The following BCL2L11 variants were observed in gnomAD, a reference collection of about 807,000 sequenced individuals.
BCL2L11 encodes the protein BCL2 like 11, also known as bcl-2-like protein 11.
BCL2L11 carries 15 observed loss-of-function variants against 20.6 expected under a neutral mutation model. The observed-to-expected ratio is 0.73, with a 90% CI of 0.49 to 1.12. The LOEUF (loss-of-function observed/expected upper bound fraction) is 1.12, where lower values mean the gene tolerates loss of function less well. Ranked by LOEUF, BCL2L11 falls within the 50% of genes most tolerant of loss-of-function variation. The probability of loss-of-function intolerance (pLI) is 0.00; values close to 1 mark genes in which losing one functional copy is unlikely to be tolerated. For synonymous variants in BCL2L11, 108 were observed against 92.8 expected, an observed-to-expected ratio of 1.16 and a Z score of -0.94; for missense variants, 292 against 260.9, an observed-to-expected ratio of 1.12 and a Z score of -0.82.
chr2:111,145,892 CATTATAA>C, intron 2 of BCL2L11: 1 of 876,422 alleles, frequency 1.1e-6, no homozygotes. Context: ...TGACATATTG[CATTATAA>C]AAGTTTTGAT....
intron 3 of BCL2L11, 36 bp from the exon 4 acceptor site, chr2:111,164,094 TTAG>T: frequency 1.8e-6 from 1 of 566,000 alleles, no homozygotes; most frequent in Non-Finnish European, 3.5e-6. Context: ...CACCCCCAAA[TTAG>T]GGAGAAACTA....
Position 111,121,011 on chromosome 2 carries a change from C to T in BCL2L11, c.-191C>T. On this transcript the variant is annotated 5_prime_UTR_variant, in exon 1 of 4. Coordinates refer to ENST00000393256, the MANE Select transcript of BCL2L11 (RefSeq NM_138621.5). ...GCCGCCGCCGCCGCCGCCGCCGCCGCCGCCGCCGCCACTACCACCACTTGA... is the reference window on the plus strand; with the variant it reads ...GCCGCCGCCGCCGCCGCCGCCGCCGTCGCCGCCGCCACTACCACCACTTGA... 1 of 405,078 alleles carries T rather than the reference C, an allele frequency of 2.5e-6. No individual in the cohort carries two copies. Among genetic ancestry groups the T allele is most frequent in the South Asian group, 3.8e-5 (1 of 26,374 alleles). 25.1% of individuals were successfully genotyped at this position (405,078 alleles called of 1,614,324 possible). A position where few individuals can be genotyped will look rare whatever the true frequency, so the allele number is the denominator to read the frequency against.
At chr2:111,153,983 C>A in intron 3 of BCL2L11, 1 of 1,375,120 alleles carries the variant, frequency 7.3e-7, no homozygotes, top group Non-Finnish European at 9.4e-7. Flanking sequence ...CCGGGCTGAA[C>A]GGCCTGGCCC....
chr2:111,124,712 T>G (rs1445114736), intron 2 of BCL2L11, among the ~76,000 whole-genome samples: 5 of 152,220 alleles, frequency 3.3e-5, no homozygotes, highest in Non-Finnish European at 7.3e-5. Flanking sequence ...CTTTACATAG[T>G]AATGACATTT....
intron 2 of BCL2L11, among the ~76,000 whole-genome samples, chr2:111,134,590 G>T (rs1349995291): frequency 6.6e-6 from 1 of 152,188 alleles, no homozygotes; most frequent in Non-Finnish European, 1.5e-5. Context: ...TCTACCAATA[G>T]TCGCTTCCAT....
chr2:111,147,327 A>ATC (rs367737247), intron 2 of BCL2L11, among the ~76,000 whole-genome samples: 6,124 of 125,620 alleles, frequency 0.049, 250 homozygotes, highest in African/African-American at 0.11. Flanking sequence ...AGCCTCCTGT[A>ATC]TCTCTCTCTC....
At chr2:111,161,367 T>A in intron 3 of BCL2L11, 1 of 1,543,396 alleles carries the variant, frequency 6.5e-7, no homozygotes, top group East Asian at 2.4e-5. Context: ...CTGTCTTTTT[T>A]ATATTACCCA....
At chr2:111,153,827 A>T (rs2077513065) in intron 3 of BCL2L11, 1 of 1,551,932 alleles carries the variant, frequency 6.4e-7, no homozygotes, top group Non-Finnish European at 8.7e-7. Flanking sequence ...TATTCAGTCC[A>T]CTTAAGGGCA....
intron 3 of BCL2L11, among the ~76,000 whole-genome samples, chr2:111,155,752 G>C (rs1210458651): frequency 6.6e-6 from 1 of 152,178 alleles, no homozygotes; most frequent in Non-Finnish European, 1.5e-5. Context: ...CTGCTCTCCA[G>C]ATGAGGCCAG....
At chr2:111,139,259 A>G (rs2075412955) in intron 2 of BCL2L11, among the ~76,000 whole-genome samples, 1 of 152,184 alleles carries the variant, frequency 6.6e-6, no homozygotes. Flanking sequence ...ATGGAGAGAC[A>G]TCTGGAAACC....
intron 1 of BCL2L11, chr2:111,122,717 C>T (rs1274289931): frequency 1.0e-6 from 1 of 982,718 alleles, no homozygotes; most frequent in South Asian, 4.6e-5. Flanking sequence ...GAGCCCTCGG[C>T]TGCCCGGCGG....
rs1483249421 is a variant in BCL2L11, at chr2:111,164,118, C to G, written c.499-15C>G. On this transcript the variant is annotated splice_polypyrimidine_tract_variant and intron_variant, in intron 3 of 3. Transcript: ENST00000393256. ...ATTAGGGAGAAACTAAGAAGCTTTCCTTTTGTTGTTTCAGGTATTTTTGAA... is the reference window on the plus strand; with the variant it reads ...ATTAGGGAGAAACTAAGAAGCTTTCGTTTTGTTGTTTCAGGTATTTTTGAA... 7.6e-7 allele frequency: 1 copy of G among 1,320,772 alleles called. No homozygotes were observed. The highest frequency in any genetic ancestry group is 2.9e-5 in the East Asian group (1 of 34,934). 81.8% of individuals were successfully genotyped at this position (1,320,772 alleles called of 1,614,324 possible).
At chr2:111,127,781 G>C (rs2072998923) in intron 2 of BCL2L11, among the ~76,000 whole-genome samples, 1 of 152,112 alleles carries the variant, frequency 6.6e-6, no homozygotes, top group South Asian at 2.1e-4. Context: ...TTAAGCACTT[G>C]ACATAGGACT....
chr2:111,151,425 T>C (rs2077243373), intron 3 of BCL2L11, among the ~76,000 whole-genome samples: 2 of 152,262 alleles, frequency 1.3e-5, no homozygotes, highest in African/African-American at 4.8e-5. Context: ...TAGTTGTTAA[T>C]ATCATTTATT....
intron 2 of BCL2L11, among the ~76,000 whole-genome samples, chr2:111,127,769 C>G (rs1160808054): frequency 1.3e-5 from 2 of 152,112 alleles, no homozygotes; most frequent in Admixed American, 6.5e-5. Flanking sequence ...GCCACACATG[C>G]ATTAAGCACT....
chr2:111,153,692 A>G, intron 3 of BCL2L11: 2 of 1,471,006 alleles, frequency 1.4e-6, no homozygotes, highest in Non-Finnish European at 1.9e-6. Flanking sequence ...TATTTGCTTA[A>G]TGCTATTACA....
chr2:111,150,964 G>A (rs2077185540), intron 3 of BCL2L11, among the ~76,000 whole-genome samples: 1 of 152,102 alleles, frequency 6.6e-6, no homozygotes, highest in South Asian at 2.1e-4. Context: ...AAGTGCAGTG[G>A]CGCAATCCCA....
chr2:111,128,441 T>A (rs943054135), intron 2 of BCL2L11, among the ~76,000 whole-genome samples: 17 of 151,492 alleles, frequency 1.1e-4, no homozygotes, highest in Non-Finnish European at 2.2e-4. Context: ...CTGCTTTGAA[T>A]TTTTTTGGAT....
Position 111,121,013 on chromosome 2 carries a change from G to A in BCL2L11, c.-189G>A. ...CGCCGCCGCCGCCGCCGCCGCCGCC[G>A]CCGCCGCCACTACCACCACTTGATT... On this transcript the variant is annotated 5_prime_UTR_variant, in exon 1 of 4. Transcript: ENST00000393256. 1.5e-5 allele frequency: 6 copies of A among 392,464 alleles called. No individual in the cohort carries two copies. The highest frequency in any genetic ancestry group is 8.0e-5 in the South Asian group (2 of 24,908). 24.3% of individuals were successfully genotyped at this position (392,464 alleles called of 1,614,324 possible). A position where few individuals can be genotyped will look rare whatever the true frequency, so the allele number is the denominator to read the frequency against.
Sources: allele counts gnomAD v4.1 joint callset (sites outside exome capture counted in the v4.1 genomes callset), GRCh38; gene constraint gnomAD v4.1.1; transcripts MANE v1.5; gene names NCBI Gene and HGNC (gene_info 2026-07-23, HGNC 2026-07-21).